The following SPATA9 variants were observed in gnomAD, a reference collection of about 807,000 sequenced individuals.
SPATA9 encodes the protein spermatogenesis-associated protein 9.
In SPATA9, 27 loss-of-function variants were observed where a neutral mutation model predicts 25.5. The observed-to-expected ratio is 1.06, with a 90% CI of 0.78 to 1.46. The LOEUF is 1.46. Ranked by LOEUF, SPATA9 falls within the 40% of genes most tolerant of loss-of-function variation. The pLI is 0.00. For synonymous variants in SPATA9, 102 were observed against 105.7 expected (o/e 0.97, Z 0.21); for missense variants, 282 against 297.5 (o/e 0.95, Z 0.38).
chr5:95,707,284 G>A, the SPATA9 span, among the ~76,000 whole-genome samples: 1 of 152,154 alleles, frequency 6.6e-6, no homozygotes, highest in African/African-American at 2.4e-5. Context: ...AAAAGAGAGT[G>A]ATTAACACAT....
chr5:95,670,905 G>A (rs556878523), intron 3 of SPATA9: 12 of 985,292 alleles, frequency 1.2e-5, no homozygotes, highest in South Asian at 4.7e-5. Flanking sequence ...TTTGAGAGAC[G>A]TTGTTTACTA....
At chr5:95,731,604 A>G in the SPATA9 span, 1 of 1,593,166 alleles carries the variant, frequency 6.3e-7, no homozygotes, top group South Asian at 1.1e-5. Flanking sequence ...TTGCGGGTGA[A>G]CTCGCCGCCC....
At chr5:95,698,234 A>T (rs1477344035) in intron 1 of SPATA9, among the ~76,000 whole-genome samples, 1 of 152,202 alleles carries the variant, frequency 6.6e-6, no homozygotes, top group Non-Finnish European at 1.5e-5. Context: ...TGAGATTGGC[A>T]GAGAGGAGGA....
chr5:95,680,117 C>T (rs145510630), intron 2 of SPATA9, among the ~76,000 whole-genome samples: 7,727 of 152,252 alleles, frequency 0.051, 276 homozygotes, highest in African/African-American at 0.097. Flanking sequence ...CCAGGATGGT[C>T]TCCATCTCCT....
the SPATA9 span, among the ~76,000 whole-genome samples, chr5:95,722,765 G>A: frequency 6.6e-6 from 1 of 152,214 alleles, no homozygotes; most frequent in African/African-American, 2.4e-5. Context: ...TTATAGGCGT[G>A]AGCCACTGCG....
At chr5:95,718,879 G>C in the SPATA9 span, among the ~76,000 whole-genome samples, 1 of 152,266 alleles carries the variant, frequency 6.6e-6, no homozygotes, top group African/African-American at 2.4e-5. Context: ...TCCCAGGAGA[G>C]CACAAGCAGG....
At position 95,675,631 on chromosome 5, in the gene SPATA9, TTC is replaced by T; in HGVS notation, c.157_158del (p.Glu53ThrfsTer16). The T allele has an allele frequency of 6.2e-7, 1 of 1,613,876 alleles. No individual in the cohort carries two copies. The highest frequency in any genetic ancestry group is 8.5e-7 in the Non-Finnish European group (1 of 1,179,912). ...LRLSQSNQKREPAQKTSKIRM... is the reference protein window; with the variant it reads ...LRLSQSNQKRXPAQKTSKIRM... Reference sequence around the variant, plus strand: ...TGATTTTGGATGTTTTCTGCGCAGGTTCTCTTTTCTGAAAAATAGGCCTTTGA... The same window carrying T: ...TGATTTTGGATGTTTTCTGCGCAGGTTCTTTTCTGAAAAATAGGCCTTTGA... On this transcript the variant is annotated frameshift_variant, in exon 3 of 5. Coordinates refer to ENST00000274432, the MANE Select transcript of SPATA9 (RefSeq NM_031952.4). LOFTEE classifies it high-confidence loss of function.
chr5:95,693,045 T>A (rs991717807), intron 1 of SPATA9, among the ~76,000 whole-genome samples: 1 of 152,250 alleles, frequency 6.6e-6, no homozygotes, highest in Admixed American at 6.5e-5. Context: ...TGTATTTTCA[T>A]CAAGTTTTCC....
chr5:95,684,932 C>G (rs909821617), upstream of SPATA9, among the ~76,000 whole-genome samples: 1 of 152,130 alleles, frequency 6.6e-6, no homozygotes, highest in East Asian at 1.9e-4. Flanking sequence ...ACTTAAAAGG[C>G]TTTAATACAG....
chr5:95,664,741 C>A (rs1315614598), intron 3 of SPATA9, among the ~76,000 whole-genome samples: 1 of 152,140 alleles, frequency 6.6e-6, no homozygotes, highest in Non-Finnish European at 1.5e-5. Context: ...GAAATACATT[C>A]CCTTTCCATT....
the SPATA9 span, among the ~76,000 whole-genome samples, chr5:95,715,241 A>G: frequency 1.3e-5 from 2 of 151,558 alleles, no homozygotes; most frequent in African/African-American, 2.4e-5. Context: ...GGAGAATGGC[A>G]TGAACCCGGG....
chr5:95,688,213 T>G (rs1334034500), intron 1 of SPATA9, among the ~76,000 whole-genome samples: 2 of 152,210 alleles, frequency 1.3e-5, no homozygotes, highest in Non-Finnish European at 2.9e-5. Flanking sequence ...GTATATACCA[T>G]AGAATACTAT....
At position 95,663,907 on chromosome 5, in the gene SPATA9, AAAT is replaced by A. The variant is rs780015554; in HGVS notation, c.474+43_474+45del. ...TGCACAGTATTATTAACATTACACAAAATAAGTAGATTTATTTCTAGATTCTAA... is the reference window on the plus strand; with the variant it reads ...TGCACAGTATTATTAACATTACACAAAAGTAGATTTATTTCTAGATTCTAA... On this transcript the variant is annotated intron_variant, in intron 4 of 4. Coordinates refer to ENST00000274432, the MANE Select transcript of SPATA9 (RefSeq NM_031952.4). 2.5e-5 allele frequency: 28 copies of A among 1,141,558 alleles called. No homozygotes were observed. In the Middle Eastern group the frequency reaches 1.4e-3, roughly 59 times the overall value. The allele number at this position is 1,141,558 out of a possible 1,614,324, so 70.7% of individuals were successfully genotyped here. A position where few individuals can be genotyped will look rare whatever the true frequency, so the allele number is the denominator to read the frequency against.
chr5:95,657,794 T>C (rs941757418), downstream of SPATA9: 4 of 152,132 alleles, frequency 2.6e-5, no homozygotes, highest in Non-Finnish European at 5.9e-5. Context: ...AGCTACTTAC[T>C]AAGTACAGAA....
chr5:95,662,915 C>T (rs1020310621), intron 4 of SPATA9, among the ~76,000 whole-genome samples: 1 of 152,116 alleles, frequency 6.6e-6, no homozygotes, highest in Non-Finnish European at 1.5e-5. Flanking sequence ...AAAAGATTGA[C>T]AATACTGTCA....
intron 2 of SPATA9, among the ~76,000 whole-genome samples, chr5:95,679,338 T>C (rs1753218589): frequency 6.6e-6 from 1 of 152,174 alleles, no homozygotes; most frequent in South Asian, 2.1e-4. Flanking sequence ...GCCCATCTCT[T>C]TCCTTCCTAC....
chr5:95,706,243 C>A, the SPATA9 span, among the ~76,000 whole-genome samples: 1 of 151,854 alleles, frequency 6.6e-6, no homozygotes, highest in Non-Finnish European at 1.5e-5. Context: ...ACCCAAATCT[C>A]ATGTCGAATT....
chr5:95,719,077 T>C, the SPATA9 span, among the ~76,000 whole-genome samples: 1 of 151,420 alleles, frequency 6.6e-6, no homozygotes, highest in Non-Finnish European at 1.5e-5. Context: ...TGTTGAGGAG[T>C]TCATGAAGAC....
At chr5:95,722,018 A>G in the SPATA9 span, among the ~76,000 whole-genome samples, 19 of 152,350 alleles carry the variant, frequency 1.2e-4, no homozygotes, top group African/African-American at 4.3e-4. Flanking sequence ...GTGAAAAGTT[A>G]TAAACAAGTT....
Sources: gnomAD v4.1 joint callset for allele counts (sites outside exome capture counted in the v4.1 genomes callset) on GRCh38, gnomAD v4.1.1 for gene constraint, MANE v1.5 for transcripts, NCBI Gene and HGNC (gene_info 2026-07-23, HGNC 2026-07-21) for gene names.